PPEF1: variants seen among roughly 807,000 people sequenced by gnomAD.
The protein encoded by PPEF1 is protein phosphatase with EF-hand domain 1.
In PPEF1, 12 loss-of-function variants were observed where a neutral mutation model predicts 53.3. The observed-to-expected ratio is 0.23, with a 90% CI of 0.14 to 0.36. The LOEUF (loss-of-function observed/expected upper bound fraction) is 0.36. Ranked by LOEUF, PPEF1 falls within the 10% of genes least tolerant of loss-of-function variation. The pLI is 1.00. For missense variants in PPEF1, 334 were observed against 490.4 expected (o/e 0.68, Z 3.01); for synonymous variants, 165 against 176.7 (o/e 0.93, Z 0.52).
At chrX:18,706,931 C>G (rs185916584), upstream of PPEF1, among the ~76,000 whole-genome samples, 1 of 97,756 alleles carries the variant, frequency 1.0e-5, no homozygotes, top group African/African-American at 3.8e-5. Context: ...TGGGTTCAAG[C>G]GATTCTGCTG....
chrX:18,711,342 T>C (rs1470938685), intron 1 of PPEF1, among the ~76,000 whole-genome samples: 2 of 108,313 alleles, frequency 1.8e-5, no homozygotes, highest in Non-Finnish European at 3.8e-5. Context: ...GGGGGTGAGG[T>C]ATGAGAAATT....
At chrX:18,685,640 T>G (rs945723387) in intron 2 of PPEF1, among the ~76,000 whole-genome samples, 24 of 94,438 alleles carry the variant, frequency 2.5e-4, no homozygotes, top group Non-Finnish European at 1.2e-4. Context: ...AGCCGAGATC[T>G]CGCCACTGCA....
At chrX:18,790,469 A>C (rs2046303606) in intron 10 of PPEF1, among the ~76,000 whole-genome samples, 1 of 111,400 alleles carries the variant, frequency 9.0e-6, no homozygotes, top group Non-Finnish European at 1.9e-5. Context: ...TGCCCAGTCA[A>C]AATGATATAT....
rs1353162403 is a variant in PPEF1 at position 18,714,757 on chromosome X, T to G, written c.46+6931T>G. 8.9e-5 allele frequency among the ~76,000 whole-genome samples: 10 copies of G among 112,466 alleles called. No individual in the cohort carries two copies. In the East Asian group the frequency reaches 2.8e-3, roughly 32 times the overall value. On this transcript the variant is annotated intron_variant, in intron 1 of 15. Transcript: ENST00000470157. ...AGTACCTTGTATTTGCATAGTGCTT[T>G]TCAAGTTGGCCAGGCCCTGTAACAT...
At chrX:18,716,401 G>A (rs985901555) in intron 1 of PPEF1, among the ~76,000 whole-genome samples, 2 of 108,236 alleles carry the variant, frequency 1.8e-5, no homozygotes, top group African/African-American at 3.4e-5. Flanking sequence ...GCGTGGTGGC[G>A]GGCGCCTGTA....
rs757329526 is a variant in PPEF1, at chrX:18,827,620, T to A, written c.*133T>A. ...GATCCCAATTCATCCCACAAACAGA[T>A]GCATAGTATGGGTTTTGGAAGTCCC... On this transcript the variant is annotated 3_prime_UTR_variant, in exon 16 of 16. Transcript: ENST00000470157. 3.1e-5 allele frequency: 16 copies of A among 512,675 alleles called. No homozygotes were observed. The African/African-American group carries it at 3.8e-4, about 12-fold the overall frequency. The allele number at this position is 512,675 out of a possible 1,213,427, so 42.3% of individuals were successfully genotyped here.
chrX:18,756,495 T>A (rs943991554), intron 4 of PPEF1, among the ~76,000 whole-genome samples: 3 of 112,169 alleles, frequency 2.7e-5, no homozygotes, highest in Non-Finnish European at 5.6e-5. Flanking sequence ...ACTACTTTTT[T>A]AAAAAGAAAT....
At chrX:18,748,963 T>G (rs1043767843) in intron 3 of PPEF1, among the ~76,000 whole-genome samples, 1 of 112,076 alleles carries the variant, frequency 8.9e-6, no homozygotes, top group Non-Finnish European at 1.9e-5. Context: ...AAAAGTACAT[T>G]ACAAAGAGCA....
At chrX:18,675,496 C>T (rs956719861), upstream of PPEF1, among the ~76,000 whole-genome samples, 1 of 113,148 alleles carries the variant, frequency 8.8e-6, no homozygotes, top group Non-Finnish European at 1.9e-5. Flanking sequence ...TGGACCTCTA[C>T]CCGCTCCCCT....
intron 6 of PPEF1, among the ~76,000 whole-genome samples, chrX:18,774,884 T>C (rs1206559470): frequency 8.9e-6 from 1 of 112,075 alleles, no homozygotes; most frequent in East Asian, 2.8e-4. Flanking sequence ...TACCAGGTGG[T>C]AGGGATTTTG....
At position 18,827,321 on chromosome X, in the gene PPEF1, G is replaced by A. The variant is rs747360742; in HGVS notation, c.1796G>A (p.Ser599Asn). The change falls in exon 16 of 16, where the codon AGT becomes AAT. Residue 599 changes from serine (S) to asparagine (N), a missense_variant. Coordinates refer to ENST00000470157, the MANE Select transcript of PPEF1 (RefSeq NM_001377996.1). ...TTTCGTGCCATGTGGAAACTTTTTA[G>A]TTCTCACTACAATGTTCACATTGAT... is the stretch of plus-strand genomic sequence containing the variant. ...EEFRAMWKLF[S>N]SHYNVHIDDS... 16 of 1,210,513 alleles carry A rather than the reference G, an allele frequency of 1.3e-5. No homozygotes were observed. In the South Asian group the frequency reaches 1.9e-4, roughly 15 times the overall value.
At chrX:18,679,641 C>T (rs934344307), upstream of PPEF1, among the ~76,000 whole-genome samples, 1 of 111,504 alleles carries the variant, frequency 9.0e-6, no homozygotes, top group East Asian at 2.8e-4. Flanking sequence ...CCCTTTCCCC[C>T]CTACAGACTA....
upstream of PPEF1, among the ~76,000 whole-genome samples, chrX:18,705,101 C>T (rs776676634): frequency 9.0e-6 from 1 of 111,367 alleles, no homozygotes; most frequent in African/African-American, 3.3e-5. Context: ...TCCTTTTCTC[C>T]TCCTCCTTCC....
chrX:18,713,416 A>AATT lies in PPEF1; in HGVS notation c.46+5591_46+5593dup, dbSNP rs1182309178. The stretch of plus-strand genomic sequence containing the variant: ...ATACTTGTTCAGAGTATTCCCTTAA[A>AATT]ATTCTTTTTTTTTTTTTTTTTTCTT... On this transcript the variant is annotated intron_variant, in intron 1 of 15. Coordinates refer to ENST00000470157, the MANE Select transcript of PPEF1 (RefSeq NM_001377996.1). Among the ~76,000 whole-genome samples, 3 of 67,445 alleles carry AATT rather than the reference A, an allele frequency of 4.4e-5. No individual in the cohort carries two copies. In the Admixed American group the frequency reaches 6.3e-4, roughly 14 times the overall value. 58.6% of individuals were successfully genotyped at this position (67,445 alleles called of 115,157 possible).
chrX:18,697,900 A>G (rs2147257244), exon 5 of PPEF1: 1 of 111,210 alleles, frequency 9.0e-6, no homozygotes, highest in African/African-American at 3.3e-5. Flanking sequence ...ATTTGAGAAG[A>G]GGCTGAAGCT....
chrX:18,705,547 C>T (rs2044177004), upstream of PPEF1, among the ~76,000 whole-genome samples: 1 of 111,301 alleles, frequency 9.0e-6, no homozygotes, highest in South Asian at 3.8e-4. Context: ...GACCCCATGT[C>T]TACAAAAAAG....
chrX:18,711,036 G>C (rs1445488124), intron 1 of PPEF1, among the ~76,000 whole-genome samples: 1 of 102,707 alleles, frequency 9.7e-6, no homozygotes, highest in African/African-American at 3.6e-5. Context: ...GTATATATAC[G>C]TATATATGTA....
intron 1 of PPEF1, among the ~76,000 whole-genome samples, chrX:18,677,032 A>C (rs1457115613): frequency 9.8e-6 from 1 of 102,159 alleles, no homozygotes; most frequent in Non-Finnish European, 2.0e-5. Context: ...GTGTCATCAC[A>C]ATCTTTTTTT....
chrX:18,737,374 C>T (rs1478456579), intron 3 of PPEF1, among the ~76,000 whole-genome samples: 10 of 111,910 alleles, frequency 8.9e-5, no homozygotes, highest in Non-Finnish European at 1.3e-4. Flanking sequence ...GCCTTCATTT[C>T]GTTATGTACC....
Sources: allele counts gnomAD v4.1 joint callset (sites outside exome capture counted in the v4.1 genomes callset), GRCh38; gene constraint gnomAD v4.1.1; transcripts MANE v1.5; gene names NCBI Gene and HGNC (gene_info 2026-07-23, HGNC 2026-07-21).